Variants in CNTNAP2 observed in about 807,000 individuals in gnomAD.
CNTNAP2 encodes contactin associated protein 2, also known as contactin-associated protein-like 2.
Under a neutral mutation model 155.2 loss-of-function variants are expected in CNTNAP2, and 98 were observed. That is an observed-to-expected ratio of 0.63 (90% CI 0.54 to 0.75). The LOEUF (loss-of-function observed/expected upper bound fraction) is 0.75, where lower values mean the gene tolerates loss of function less well. CNTNAP2 is among the 30% of genes least tolerant of loss of function. The pLI, the probability that CNTNAP2 is intolerant of heterozygous loss-of-function variation, is 0.00. For missense variants in CNTNAP2, 1,727 were observed against 1,688.1 expected (o/e 1.02, Z -0.40); for synonymous variants, 651 against 631.2 (o/e 1.03, Z -0.47).
At chr7:146,915,337 A>G (rs1796372121) in intron 3 of CNTNAP2, among the ~76,000 whole-genome samples, 1 of 152,006 alleles carries the variant, frequency 6.6e-6, no homozygotes, top group Non-Finnish European at 1.5e-5. Flanking sequence ...TTTTTCTTCT[A>G]GTTTTCTGAG....
At chr7:146,331,013 C>A (rs1232650998) in intron 1 of CNTNAP2, among the ~76,000 whole-genome samples, 1 of 151,902 alleles carries the variant, frequency 6.6e-6, no homozygotes, top group Non-Finnish European at 1.5e-5. Flanking sequence ...GTTCAATAAC[C>A]AACTATCATG....
At chr7:146,264,416 A>G (rs1489725310) in intron 1 of CNTNAP2, among the ~76,000 whole-genome samples, 2 of 152,002 alleles carry the variant, frequency 1.3e-5, no homozygotes, top group Non-Finnish European at 2.9e-5. Flanking sequence ...ATGCCACTGC[A>G]CTCCAGCCTG....
At chr7:147,352,680 A>G (rs1283233534) in intron 9 of CNTNAP2, among the ~76,000 whole-genome samples, 1 of 151,982 alleles carries the variant, frequency 6.6e-6, no homozygotes, top group Non-Finnish European at 1.5e-5. Context: ...ACCCTTAACC[A>G]TGGTAGAATT....
intron 18 of CNTNAP2, among the ~76,000 whole-genome samples, chr7:148,185,146 C>T (rs1795096386): frequency 6.6e-6 from 1 of 152,142 alleles, no homozygotes; most frequent in Non-Finnish European, 1.5e-5. Flanking sequence ...CACTGAAATG[C>T]GTTATCCAGA....
intron 21 of CNTNAP2, among the ~76,000 whole-genome samples, chr7:148,276,975 T>C (rs1428809018): frequency 6.6e-6 from 1 of 152,276 alleles, no homozygotes; most frequent in Non-Finnish European, 1.5e-5. Context: ...GGTTTAAAGC[T>C]GATTCTGACT....
At chr7:147,710,487 C>T (rs1258791946) in intron 13 of CNTNAP2, among the ~76,000 whole-genome samples, 1 of 152,104 alleles carries the variant, frequency 6.6e-6, no homozygotes, top group African/African-American at 2.4e-5. Context: ...ACAACTTCTA[C>T]AAGCCTTCAA....
chr7:147,309,976 T>C (rs1209098143), intron 9 of CNTNAP2, among the ~76,000 whole-genome samples: 2 of 152,110 alleles, frequency 1.3e-5, no homozygotes, highest in East Asian at 1.9e-4. Context: ...TTTTTATTTG[T>C]TTACCAATTA....
At chr7:148,209,100 G>A (rs1291421192) in intron 18 of CNTNAP2, among the ~76,000 whole-genome samples, 2 of 151,954 alleles carry the variant, frequency 1.3e-5, no homozygotes, top group African/African-American at 4.8e-5. Flanking sequence ...TGACACAAAG[G>A]CACCTCAAAC....
chr7:146,948,869 C>G (rs1383781356), intron 3 of CNTNAP2, among the ~76,000 whole-genome samples: 1 of 152,106 alleles, frequency 6.6e-6, no homozygotes, highest in Non-Finnish European at 1.5e-5. Flanking sequence ...TGCAACCTCA[C>G]ACTGTGTAAT....
At chr7:147,562,293 T>C in intron 12 of CNTNAP2, 36 bp downstream of exon 12, 1 of 1,612,240 alleles carries the variant, frequency 6.2e-7, no homozygotes, top group Non-Finnish European at 8.5e-7. Flanking sequence ...TGAAGATGCT[T>C]TTCTATATGT....
intron 1 of CNTNAP2, among the ~76,000 whole-genome samples, chr7:146,303,107 TGC>T (rs1348669265): frequency 3.3e-5 from 5 of 150,126 alleles, no homozygotes; most frequent in Non-Finnish European, 7.4e-5. Context: ...TGTGTGTGTG[TGC>T]GCATGCATAC....
chr7:146,441,985 C>G (rs1173149759), intron 1 of CNTNAP2, among the ~76,000 whole-genome samples: 2 of 151,598 alleles, frequency 1.3e-5, no homozygotes, highest in African/African-American at 4.9e-5. Context: ...CATGTATTTG[C>G]ACATCCCTCA....
intron 9 of CNTNAP2, among the ~76,000 whole-genome samples, chr7:147,345,164 G>A (rs983801286): frequency 2.0e-5 from 3 of 151,918 alleles, no homozygotes; most frequent in Admixed American, 1.3e-4. Context: ...TCATATTTAC[G>A]CTGAATTATA....
intron 1 of CNTNAP2, among the ~76,000 whole-genome samples, chr7:146,236,995 C>A (rs920612387): frequency 6.6e-6 from 1 of 152,106 alleles, no homozygotes; most frequent in African/African-American, 2.4e-5. Flanking sequence ...GTATTTTAGA[C>A]TATTAAGCTA....
chr7:147,172,318 A>C (rs1802245711), intron 8 of CNTNAP2, among the ~76,000 whole-genome samples: 1 of 152,190 alleles, frequency 6.6e-6, no homozygotes, highest in Non-Finnish European at 1.5e-5. Context: ...TAACTTTAAA[A>C]ATGTCAAAGG....
At chr7:147,264,099 T>A (rs1804552945) in intron 8 of CNTNAP2, among the ~76,000 whole-genome samples, 1 of 152,090 alleles carries the variant, frequency 6.6e-6, no homozygotes, top group African/African-American at 2.4e-5. Context: ...GACAAACAGA[T>A]ATGGGGTAAA....
chr7:148,394,629 C>T (rs1799426712), intron 22 of CNTNAP2, among the ~76,000 whole-genome samples: 1 of 152,228 alleles, frequency 6.6e-6, no homozygotes, highest in East Asian at 1.9e-4. Context: ...TCTTCTCCAT[C>T]TCTCTCCAAG....
chr7:147,347,420 T>TTATATATATATA (rs137977529), intron 9 of CNTNAP2, among the ~76,000 whole-genome samples: 7 of 120,742 alleles, frequency 5.8e-5, no homozygotes, highest in Middle Eastern at 4.2e-3. Context: ...TGTGAAAAGA[T>TTATATATATATA]TATATATATA....
intron 1 of CNTNAP2, among the ~76,000 whole-genome samples, chr7:146,237,420 C>T (rs539694743): frequency 6.6e-6 from 1 of 152,294 alleles, no homozygotes; most frequent in African/African-American, 2.4e-5. Flanking sequence ...GAAACAATTA[C>T]TTTGATTTAG....
Sources: gnomAD v4.1 joint callset for allele counts (sites outside exome capture counted in the v4.1 genomes callset) on GRCh38, gnomAD v4.1.1 for gene constraint, MANE v1.5 for transcripts, NCBI Gene and HGNC (gene_info 2026-07-23, HGNC 2026-07-21) for gene names.